The following ESRRG variants were observed in gnomAD, a reference collection of about 807,000 sequenced individuals.
ESRRG encodes the protein estrogen related receptor gamma.
A neutral mutation model predicts 44.0 loss-of-function variants in ESRRG; 13 were observed. The observed-to-expected ratio is 0.30, with a 90% CI of 0.19 to 0.47. The LOEUF is 0.47. Ranked by LOEUF, ESRRG falls within the 20% of genes least tolerant of loss-of-function variation. ESRRG has a pLI of 1.00. For synonymous variants in ESRRG, 215 were observed against 214.6 expected (o/e 1.00, Z -0.02); for missense variants, 395 against 580.6 (o/e 0.68, Z 3.29).
chr1:216,835,374 G>A (rs2095548307), intron 2 of ESRRG, among the ~76,000 whole-genome samples: 1 of 152,154 alleles, frequency 6.6e-6, no homozygotes, highest in Admixed American at 6.5e-5. Flanking sequence ...GAAACATCTG[G>A]ACTGGTTACA....
intron 3 of ESRRG, among the ~76,000 whole-genome samples, chr1:216,577,504 C>G (rs1202453665): frequency 1.3e-5 from 2 of 152,008 alleles, no homozygotes; most frequent in African/African-American, 4.8e-5. Flanking sequence ...AAATGTGACA[C>G]TGGCAGCAAT....
intron 5 of ESRRG, among the ~76,000 whole-genome samples, chr1:216,526,660 C>T (rs2047749641): frequency 6.6e-6 from 1 of 152,190 alleles, no homozygotes; most frequent in Admixed American, 6.5e-5. Context: ...CCACAGGTGA[C>T]CTTCTTATCT....
intron 2 of ESRRG, among the ~76,000 whole-genome samples, chr1:216,917,470 TAG>T (rs1325409375): frequency 6.6e-6 from 1 of 152,228 alleles, no homozygotes; most frequent in Non-Finnish European, 1.5e-5. Context: ...TCCTATTTTA[TAG>T]AGATCTCACA....
intron 1 of ESRRG, among the ~76,000 whole-genome samples, chr1:216,966,082 G>A (rs749539828): frequency 2.0e-5 from 3 of 152,074 alleles, no homozygotes; most frequent in Non-Finnish European, 2.9e-5. Flanking sequence ...CATTTGTCAA[G>A]GTAGAACAAT....
At chr1:216,665,472 T>C (rs1219603035) in intron 2 of ESRRG, among the ~76,000 whole-genome samples, 1 of 152,134 alleles carries the variant, frequency 6.6e-6, no homozygotes, top group Non-Finnish European at 1.5e-5. Flanking sequence ...ATTCCACTTA[T>C]AGGAGATATC....
chr1:217,075,846 T>C (rs1226123455), intron 1 of ESRRG, among the ~76,000 whole-genome samples: 1 of 152,068 alleles, frequency 6.6e-6, no homozygotes, highest in Non-Finnish European at 1.5e-5. Context: ...AAATCTGGAG[T>C]GTATGTAGAG....
chr1:216,869,339 G>T (rs1316249212), intron 2 of ESRRG, among the ~76,000 whole-genome samples: 1 of 151,980 alleles, frequency 6.6e-6, no homozygotes, highest in South Asian at 2.1e-4. Context: ...AATTGCTTTT[G>T]TACCATTGTC....
intron 1 of ESRRG, among the ~76,000 whole-genome samples, chr1:217,078,528 A>C (rs2091499432): frequency 6.6e-6 from 1 of 152,166 alleles, no homozygotes; most frequent in Admixed American, 6.5e-5. Flanking sequence ...GTCAGAAAGG[A>C]ATGTGGAAAG....
Position 217,016,970 on chromosome 1 carries a change from G to A in ESRRG, c.-106+72537C>T, listed in dbSNP as rs777141055. On this transcript the variant is annotated intron_variant, in intron 1 of 7. Transcript: ENST00000359162. ...AACTCTTTTACTAAGAGACATAACC[G>A]AAAAGCCTGTTGTCACTTTTTAACA... Among the ~76,000 whole-genome samples the A allele has an allele frequency of 5.9e-5, 9 of 152,218 alleles. No homozygotes were observed. The South Asian group carries it at 6.2e-4, about 11-fold the overall frequency.
At chr1:216,849,714 C>T (rs1196363715) in intron 2 of ESRRG, among the ~76,000 whole-genome samples, 2 of 152,070 alleles carry the variant, frequency 1.3e-5, no homozygotes, top group Admixed American at 1.3e-4. Context: ...GACCCACGCT[C>T]CTCAAATATT....
chr1:216,896,270 T>G (rs1316608221), intron 2 of ESRRG, among the ~76,000 whole-genome samples: 1 of 152,218 alleles, frequency 6.6e-6, no homozygotes, highest in Non-Finnish European at 1.5e-5. Flanking sequence ...GCATCGTGAT[T>G]CAGGGCCATT....
At chr1:216,741,628 A>G (rs893334743) in intron 2 of ESRRG, among the ~76,000 whole-genome samples, 1 of 152,198 alleles carries the variant, frequency 6.6e-6, no homozygotes, top group South Asian at 2.1e-4. Flanking sequence ...ACCCTGTCTC[A>G]TCTCAGAATG....
chr1:216,872,026 C>T (rs1041731014), intron 2 of ESRRG, among the ~76,000 whole-genome samples: 6 of 152,086 alleles, frequency 3.9e-5, no homozygotes, highest in African/African-American at 1.4e-4. Context: ...TCTCCTTCAT[C>T]TGAGGATGTC....
intron 3 of ESRRG, among the ~76,000 whole-genome samples, chr1:216,650,573 GAACA>G (rs1170340320): frequency 6.6e-6 from 1 of 151,508 alleles, no homozygotes; most frequent in African/African-American, 2.4e-5. Flanking sequence ...GGTTGGGAAA[GAACA>G]AAGAGTGCTT....
chr1:216,672,139 A>T (rs2075314076), intron 2 of ESRRG, among the ~76,000 whole-genome samples: 1 of 152,182 alleles, frequency 6.6e-6, no homozygotes, highest in South Asian at 2.1e-4. Context: ...GAAGAATAAC[A>T]ATATCACATC....
At chr1:216,639,946 G>C (rs2150875949) in intron 3 of ESRRG, among the ~76,000 whole-genome samples, 1 of 152,292 alleles carries the variant, frequency 6.6e-6, no homozygotes, top group East Asian at 1.9e-4. Context: ...AATGTTTCCT[G>C]CTTCCAAAAC....
intron 2 of ESRRG, among the ~76,000 whole-genome samples, chr1:216,839,445 T>A (rs1179930790): frequency 6.6e-6 from 1 of 152,204 alleles, no homozygotes; most frequent in Admixed American, 6.5e-5. Context: ...GACCACCTTT[T>A]ATGAATCACA....
rs1033539549 is a variant in ESRRG, at chr1:216,504,837, T to G, written c.*2102A>C. On this transcript the variant is annotated 3_prime_UTR_variant, in exon 7 of 7. Transcript: ENST00000408911. The stretch of plus-strand genomic sequence containing the variant: ...GATTTTGATGTGTATCTGTTCATAA[T>G]GAATACTTGTTTGGAGTTTCAATCT... 10 of 152,658 alleles carry G rather than the reference T, an allele frequency of 6.6e-5. No individual in the cohort carries two copies. Among genetic ancestry groups the G allele is most frequent in the Non-Finnish European group, 1.0e-4 (7 of 68,032 alleles). The allele number at this position is 152,658 out of a possible 1,614,324, so 9.5% of individuals were successfully genotyped here. A position where few individuals can be genotyped will look rare whatever the true frequency, so the allele number is the denominator to read the frequency against.
At chr1:216,914,087 T>C (rs1018935435) in intron 2 of ESRRG, among the ~76,000 whole-genome samples, 1 of 151,962 alleles carries the variant, frequency 6.6e-6, no homozygotes, top group Non-Finnish European at 1.5e-5. Context: ...AAAAATCATA[T>C]TAGCTCCCCC....
Sources: gnomAD v4.1 joint callset for allele counts (sites outside exome capture counted in the v4.1 genomes callset) on GRCh38, gnomAD v4.1.1 for gene constraint, MANE v1.5 for transcripts, NCBI Gene and HGNC (gene_info 2026-07-23, HGNC 2026-07-21) for gene names.